FBP1: variants seen among roughly 807,000 people sequenced by gnomAD.
The protein encoded by FBP1 is fructose-bisphosphatase 1.
Under a neutral mutation model 29.9 loss-of-function variants are expected in FBP1, and 22 were observed. That is an observed-to-expected ratio of 0.74 (90% CI 0.53 to 1.05). The LOEUF is 1.05. Ranked by LOEUF, FBP1 falls within the 50% of genes least tolerant of loss-of-function variation. The pLI is 0.00. For synonymous variants in FBP1, 175 were observed against 178.6 expected (o/e 0.98, Z 0.16); for missense variants, 345 against 448.2 (o/e 0.77, Z 2.08).
rs760245340 is a variant in FBP1, at chr9:94,617,823, G to A, written c.371C>T (p.Ser124Phe). ...YVVCFDPLDGSSNIDCLVSVG... is the reference protein window; with the variant it reads ...YVVCFDPLDGFSNIDCLVSVG... The stretch of plus-strand genomic sequence containing the variant: ...GGACACAAGGCAATCGATGTTGGAA[G>A]ATCCATCAAGGGGATCAAAACAGAC... Residue 124 changes from serine (S) to phenylalanine (F), a missense_variant, in exon 3 of 7, where the codon TCT (serine) becomes TTT (phenylalanine). By Grantham distance (155) the Ser-to-Phe change is radical. Coordinates refer to ENST00000375326, the MANE Select transcript of FBP1 (RefSeq NM_000507.4). 3 of 1,613,912 alleles carry A rather than the reference G, an allele frequency of 1.9e-6. No individual in the cohort carries two copies. Among genetic ancestry groups the A allele is most frequent in the East Asian group, 2.2e-5 (1 of 44,878 alleles).
At chr9:94,633,499 C>T (rs28402396) in intron 1 of FBP1, among the ~76,000 whole-genome samples, 3 of 152,070 alleles carry the variant, frequency 2.0e-5, no homozygotes, top group African/African-American at 7.2e-5. Context: ...CATCCACGAA[C>T]GCCCTACCAT....
At chr9:94,631,139 G>A (rs528221638) in intron 1 of FBP1, among the ~76,000 whole-genome samples, 1 of 152,158 alleles carries the variant, frequency 6.6e-6, no homozygotes, top group East Asian at 1.9e-4. Flanking sequence ...AAATTAGTTG[G>A]CCCTGCAGCC....
In FBP1 at chr9:94,620,595, G is replaced by C. The variant is rs1827932581; in HGVS notation, c.171-104C>G. ...AGTGTTCGGTAAGATTTAGAAGAAA[G>C]AGTTCATGTCCTTTGCAGGGACATG... On this transcript the variant is annotated intron_variant, in intron 1 of 6. Transcript: ENST00000375326. The C allele has an allele frequency of 2.7e-6, 3 of 1,132,034 alleles. No individual in the cohort carries two copies. In the African/African-American group the frequency reaches 4.6e-5, roughly 17 times the overall value. 70.1% of individuals were successfully genotyped at this position (1,132,034 alleles called of 1,614,324 possible).
rs2274689 is a variant in FBP1, at chr9:94,603,260, A to C, written c.*121T>G. ...CATTCTACAGCATTTGATGGTGGAA[A>C]TAGTCATGCTTTTTATTTCTGCTCT... On this transcript the variant is annotated 3_prime_UTR_variant, in exon 7 of 7. Coordinates refer to ENST00000375326, the MANE Select transcript of FBP1 (RefSeq NM_000507.4). 0.017 allele frequency: 14,358 copies of C among 833,908 alleles called. 187 individuals are homozygous for C. The highest frequency in any genetic ancestry group is 0.036 in the East Asian group (1,369 of 37,676). The allele number at this position is 833,908 out of a possible 1,614,324, so 51.7% of individuals were successfully genotyped here. A position where few individuals can be genotyped will look rare whatever the true frequency, so the allele number is the denominator to read the frequency against.
intron 6 of FBP1, chr9:94,603,792 G>A (rs1827650280): frequency 3.3e-6 from 2 of 602,420 alleles, no homozygotes; most frequent in Admixed American, 2.4e-5. Context: ...CATCAAGCCA[G>A]TGCCAGCAAT....
chr9:94,622,650 G>C (rs972031829), intron 1 of FBP1, among the ~76,000 whole-genome samples: 3 of 152,082 alleles, frequency 2.0e-5, no homozygotes, highest in Non-Finnish European at 4.4e-5. Flanking sequence ...AGCCTGCAAA[G>C]CACATCTCAT....
Position 94,620,449 on chromosome 9 carries a change from A to C in FBP1, c.213T>G (p.Val71=). ...AGSTNVTGDQ[V]KKLDVLSNDL... Reference sequence around the variant, plus strand: ...CGTTGGAGAGGACGTCCAGCTTCTTAACTTGATCACCTGTCACGTTGGTAG... The same window carrying C: ...CGTTGGAGAGGACGTCCAGCTTCTTCACTTGATCACCTGTCACGTTGGTAG... The change falls in exon 2 of 7, where the codon GTT becomes GTG. Residue 71 remains valine, a synonymous_variant. Transcript: ENST00000375326. 1 of 1,614,242 alleles carries C rather than the reference A, an allele frequency of 6.2e-7. No homozygotes were observed. Among genetic ancestry groups the C allele is most frequent in the Admixed American group, 1.7e-5 (1 of 60,028 alleles).
intron 3 of FBP1, among the ~76,000 whole-genome samples, chr9:94,615,912 C>A (rs1011627064): frequency 6.6e-6 from 1 of 151,752 alleles, no homozygotes; most frequent in Non-Finnish European, 1.5e-5. Flanking sequence ...ACTGCAACCT[C>A]CACCTCCCAG....
At position 94,620,365 on chromosome 9, in the gene FBP1, T is replaced by C; in HGVS notation, c.297A>G (p.Glu99=). ...GTTCCACTATGATGGCGTGTTTATC[T>C]TCTTCTGACACGAGAACACACGTGG... ...SFATCVLVSE[E]DKHAIIVEPE... Residue 99 remains glutamate (E), a synonymous_variant, in exon 2 of 7, where the codon GAA becomes GAG. Transcript: ENST00000375326. 1 of 1,614,244 alleles carries C rather than the reference T, an allele frequency of 6.2e-7. No individual in the cohort carries two copies. The highest frequency in any genetic ancestry group is 2.2e-5 in the East Asian group (1 of 44,882).
chr9:94,611,862 G>A (rs1827791215), intron 3 of FBP1, among the ~76,000 whole-genome samples: 1 of 152,172 alleles, frequency 6.6e-6, no homozygotes, highest in Non-Finnish European at 1.5e-5. Context: ...GTGAAGGGGT[G>A]ACCTTCACAC....
At chr9:94,631,942 T>C (rs1828109703) in intron 1 of FBP1, among the ~76,000 whole-genome samples, 1 of 151,972 alleles carries the variant, frequency 6.6e-6, no homozygotes, top group Admixed American at 6.6e-5. Flanking sequence ...GGGCCTAAAC[T>C]GGTAAACAGG....
At chr9:94,607,479 A>G (rs1293148033) in intron 4 of FBP1, among the ~76,000 whole-genome samples, 2 of 152,120 alleles carry the variant, frequency 1.3e-5, no homozygotes, top group African/African-American at 4.8e-5. Flanking sequence ...TTCTTATAGA[A>G]CAAAGTAGAA....
chr9:94,629,923 A>G (rs954332234), intron 1 of FBP1, among the ~76,000 whole-genome samples: 1 of 152,206 alleles, frequency 6.6e-6, no homozygotes, highest in Non-Finnish European at 1.5e-5. Flanking sequence ...CTGTTGGGCC[A>G]TCCTGAGGAT....
At chr9:94,628,053 G>A (rs537659670) in intron 1 of FBP1, among the ~76,000 whole-genome samples, 1 of 152,354 alleles carries the variant, frequency 6.6e-6, no homozygotes, top group East Asian at 1.9e-4. Context: ...GATTGAGCCA[G>A]TGACTTGATC....
At chr9:94,637,164 C>T (rs1665501929) in intron 1 of FBP1, among the ~76,000 whole-genome samples, 1 of 152,134 alleles carries the variant, frequency 6.6e-6, no homozygotes, top group African/African-American at 2.4e-5. Context: ...GGAGTCATCA[C>T]CTTCCTTAAC....
At chr9:94,611,606 T>G (rs963709065) in intron 3 of FBP1, among the ~76,000 whole-genome samples, 1 of 152,080 alleles carries the variant, frequency 6.6e-6, no homozygotes, top group Non-Finnish European at 1.5e-5. Flanking sequence ...AAATTTTTTT[T>G]TAATTAGCCA....
intron 1 of FBP1, among the ~76,000 whole-genome samples, chr9:94,621,070 C>T (rs557789583): frequency 2.0e-5 from 3 of 151,908 alleles, no homozygotes; most frequent in Non-Finnish European, 2.9e-5. Flanking sequence ...AAAAAGTAGC[C>T]GGGTGTGGTG....
At chr9:94,637,251 G>T (rs904282375) in intron 1 of FBP1, among the ~76,000 whole-genome samples, 3 of 152,148 alleles carry the variant, frequency 2.0e-5, no homozygotes, top group Admixed American at 6.5e-5. Flanking sequence ...TCCATACTGT[G>T]GGACCAAAGC....
At chr9:94,634,894 C>A (rs1828168090) in intron 1 of FBP1, among the ~76,000 whole-genome samples, 3 of 151,916 alleles carry the variant, frequency 2.0e-5, no homozygotes, top group African/African-American at 7.3e-5. Context: ...GCCAGTTCGA[C>A]CCTGGTCAAC....
Sources: allele counts gnomAD v4.1 joint callset (sites outside exome capture counted in the v4.1 genomes callset), GRCh38; gene constraint gnomAD v4.1.1; transcripts MANE v1.5; gene names NCBI Gene and HGNC (gene_info 2026-07-23, HGNC 2026-07-21).